Variants in NUP160 observed in about 807,000 individuals in gnomAD.
The protein encoded by NUP160 is nucleoporin 160.
NUP160 carries 94 observed loss-of-function variants against 196.9 expected under a neutral mutation model. The ratio of observed to expected loss-of-function variants is 0.48; its 90% CI spans 0.40 to 0.57. The LOEUF is 0.57. Among genes scored for constraint, NUP160 ranks in the 20% least tolerant of loss-of-function variants. The pLI, the probability that NUP160 is intolerant of heterozygous loss-of-function variation, is 0.00. For missense variants in NUP160, 1,638 were observed against 1,748.3 expected (o/e 0.94, Z 1.13); for synonymous variants, 605 against 619.7 (o/e 0.98, Z 0.35).
At chr11:47,821,740 A>G (rs1186542944) in exon 9 of NUP160, 1 of 1,613,452 alleles carries the variant, frequency 6.2e-7, no homozygotes, top group Non-Finnish European at 8.5e-7. Flanking sequence ...AAGTTGATGT[A>G]TTTCACTACT....
chr11:47,795,486 T>C (rs1382287414), intron 27 of NUP160, among the ~76,000 whole-genome samples: 3 of 152,188 alleles, frequency 2.0e-5, no homozygotes, highest in Non-Finnish European at 4.4e-5. Context: ...GTTAAGAACC[T>C]GCCTATGAAT....
At position 47,840,494 on chromosome 11, in the gene NUP160, C is replaced by A. The variant is rs142325189; in HGVS notation, c.409G>T (p.Val137Phe). 8 of 1,613,984 alleles carry A rather than the reference C, an allele frequency of 5.0e-6. No homozygotes were observed. In the Admixed American group the frequency reaches 1.2e-4, roughly 24 times the overall value. Residue 137 changes from valine to phenylalanine, a missense_variant, in exon 3 of 36, where the codon GTT (valine) becomes TTT (phenylalanine). This residue lies in a region of NUP160 where 287 missense variants were observed against 259.5 expected (regional missense o/e 1.11). Coordinates refer to ENST00000378460, the Ensembl canonical transcript of NUP160. ...GAGACATAAACCCCTCCAGGTAAAA[C>A]ACTGCAATTTTGGAATTTTAGGCGA...
intron 7 of NUP160, among the ~76,000 whole-genome samples, chr11:47,826,690 G>A (rs1003786278): frequency 2.0e-5 from 3 of 151,782 alleles, no homozygotes; most frequent in Admixed American, 2.0e-4. Flanking sequence ...AGTCTCCCGA[G>A]TAGCTGGGAT....
At chr11:47,824,048 T>C (rs866695450) in intron 7 of NUP160, among the ~76,000 whole-genome samples, 10 of 101,218 alleles carry the variant, frequency 9.9e-5, no homozygotes, top group South Asian at 3.4e-4. Context: ...TATATATATA[T>C]ATATACACAC....
chr11:47,821,035 C>T (rs1851847069), intron 9 of NUP160, among the ~76,000 whole-genome samples: 1 of 152,070 alleles, frequency 6.6e-6, no homozygotes, highest in Non-Finnish European at 1.5e-5. Context: ...TATTTCTCAT[C>T]TCATGATGAG....
chr11:47,828,446 C>G (rs1204339804), intron 7 of NUP160, among the ~76,000 whole-genome samples: 3 of 152,132 alleles, frequency 2.0e-5, no homozygotes, highest in African/African-American at 7.2e-5. Context: ...AACTTACACT[C>G]TGAAAACTAA....
intron 7 of NUP160, among the ~76,000 whole-genome samples, chr11:47,827,823 A>C (rs1414816456): frequency 6.6e-6 from 1 of 152,174 alleles, no homozygotes; most frequent in East Asian, 1.9e-4. Flanking sequence ...CCTACAAGAA[A>C]GAAGGAAAAG....
intron 32 of NUP160, 124 bp downstream of exon 32, chr11:47,786,329 A>G (rs556109345): frequency 1.2e-4 from 65 of 560,438 alleles, no homozygotes; most frequent in Non-Finnish European, 2.0e-4. Context: ...TCCAGCCCCT[A>G]TAAAAACTTA....
intron 2 of NUP160, among the ~76,000 whole-genome samples, chr11:47,841,007 C>T (rs768122815): frequency 9.9e-5 from 14 of 141,542 alleles, no homozygotes; most frequent in African/African-American, 1.9e-4. Context: ...AGCATGCATG[C>T]GCACACATAT....
intron 7 of NUP160, among the ~76,000 whole-genome samples, chr11:47,825,382 A>G (rs1851947679): frequency 6.6e-6 from 1 of 150,758 alleles, no homozygotes; most frequent in Non-Finnish European, 1.5e-5. Flanking sequence ...TCCCAGGTTC[A>G]AGCAATTTTG....
intron 17 of NUP160, among the ~76,000 whole-genome samples, chr11:47,810,491 T>C (rs984141315): frequency 6.6e-6 from 1 of 151,996 alleles, no homozygotes; most frequent in African/African-American, 2.4e-5. Context: ...ACATCTGGCC[T>C]TTTTCTTACT....
chr11:47,821,837 G>T lies in NUP160; in HGVS notation c.1180-16C>A. Reference sequence around the variant, plus strand: ...TCAGTGTCTCCTAGGAGGAAATGTGGGAAAAAAAGGGATAAAATAAGAAAG... The same window carrying T: ...TCAGTGTCTCCTAGGAGGAAATGTGTGAAAAAAAGGGATAAAATAAGAAAG... On this transcript the variant is annotated splice_polypyrimidine_tract_variant and intron_variant, in intron 8 of 35. Transcript: ENST00000378460. 1 of 1,564,642 alleles carries T rather than the reference G, an allele frequency of 6.4e-7. No homozygotes were observed. Among genetic ancestry groups the T allele is most frequent in the East Asian group, 2.2e-5 (1 of 44,648 alleles).
At chr11:47,803,509 A>T in exon 22 of NUP160, 5 of 1,610,726 alleles carry the variant, frequency 3.1e-6, no homozygotes, top group Non-Finnish European at 4.2e-6. Flanking sequence ...TTGACTTGAC[A>T]CCAGGGATGT....
chr11:47,842,604 T>C (rs897504239), intron 2 of NUP160, among the ~76,000 whole-genome samples: 1 of 152,156 alleles, frequency 6.6e-6, no homozygotes, highest in African/African-American at 2.4e-5. Flanking sequence ...TGGAATCAGA[T>C]ACCACCTGCT....
At chr11:47,804,803 G>A (rs2097676521) in intron 20 of NUP160, among the ~76,000 whole-genome samples, 185 bp from the exon 21 acceptor site, 1 of 152,076 alleles carries the variant, frequency 6.6e-6, no homozygotes, top group Non-Finnish European at 1.5e-5. Flanking sequence ...TATACCAGGA[G>A]ACTTGTTATA....
In NUP160 at chr11:47,822,155, A is replaced by C. The variant is rs771160796; in HGVS notation, c.1111T>G (p.Phe371Val). The change falls in exon 8 of 36, where the codon TTC (phenylalanine) becomes GTC (valine). Residue 371 changes from phenylalanine to valine, a missense_variant. Physicochemically the swap from Phe to Val is conservative, Grantham distance 50. Around this residue, in one of 3 missense-constraint regions of NUP160, gnomAD observed 1,345 missense variants for 1,470.2 expected, o/e 0.91. Transcript: ENST00000378460. ...TTACTCTCAGTGCTCACCAACTGGA[A>C]AATGCAGAACTGTTAAAACACAAGA... 15 of 1,604,238 alleles carry C rather than the reference A, an allele frequency of 9.4e-6. No homozygotes were observed. The highest frequency in any genetic ancestry group is 1.7e-4 in the Middle Eastern group (1 of 6,050).
At chr11:47,826,569 C>CT (rs1276405687) in intron 7 of NUP160, among the ~76,000 whole-genome samples, 3 of 150,840 alleles carry the variant, frequency 2.0e-5, no homozygotes, top group Admixed American at 6.6e-5. Context: ...ATCCCCCCCC[C>CT]CTTTTTTTTT....
intron 32 of NUP160, among the ~76,000 whole-genome samples, chr11:47,786,203 C>T (rs2097664415): frequency 6.6e-6 from 1 of 152,126 alleles, no homozygotes; most frequent in Non-Finnish European, 1.5e-5. Flanking sequence ...AGTACCCTTT[C>T]CTGATATGAA....
intron 11 of NUP160, among the ~76,000 whole-genome samples, chr11:47,817,643 C>T (rs1467400989): frequency 6.6e-6 from 1 of 152,182 alleles, no homozygotes; most frequent in African/African-American, 2.4e-5. Flanking sequence ...CCACGCCCGG[C>T]CTAGAGTTTT....
Sources: allele counts gnomAD v4.1 joint callset (sites outside exome capture counted in the v4.1 genomes callset), GRCh38; gene constraint gnomAD v4.1.1; regional missense constraint gnomAD v4.1.1; transcripts MANE v1.5; gene names NCBI Gene and HGNC (gene_info 2026-07-23, HGNC 2026-07-21).